SNX8: variants seen among roughly 807,000 people sequenced by gnomAD.
SNX8 encodes sorting nexin 8.
A neutral mutation model predicts 51.6 loss-of-function variants in SNX8; 25 were observed. The observed-to-expected ratio is 0.48, with a 90% CI of 0.35 to 0.68. The LOEUF is 0.68. Ranked by LOEUF, SNX8 falls within the 30% of genes least tolerant of loss-of-function variation. The pLI is 0.00. For missense variants in SNX8, 695 were observed against 624.0 expected, an observed-to-expected ratio of 1.11 and a Z score of -1.21; for synonymous variants, 324 against 277.0, an observed-to-expected ratio of 1.17 and a Z score of -1.68.
chr7:2,254,879 T>A lies in SNX8; in HGVS notation c.*177A>T. 2 of 625,148 alleles carry A rather than the reference T, an allele frequency of 3.2e-6. No individual in the cohort carries two copies. Among genetic ancestry groups the A allele is most frequent in the Non-Finnish European group, 5.8e-6 (2 of 343,876 alleles). 38.7% of individuals were successfully genotyped at this position (625,148 alleles called of 1,614,324 possible). ...AGGGCGAAGGACAGTGTGGCCCAGC[T>A]GCCCCCATGGTCCACGGATGCGCCT... is the stretch of plus-strand genomic sequence containing the variant. On this transcript the variant is annotated 3_prime_UTR_variant, in exon 11 of 11. Coordinates refer to ENST00000222990, the MANE Select transcript of SNX8 (RefSeq NM_013321.4).
At chr7:2,283,130 AAAAG>A (rs1795946800) in intron 1 of SNX8, among the ~76,000 whole-genome samples, 1 of 151,956 alleles carries the variant, frequency 6.6e-6, no homozygotes, top group African/African-American at 2.4e-5. Flanking sequence ...CAAAAAAAAA[AAAAG>A]AAACAAACAA....
chr7:2,327,859 T>G (rs1229052956), intron 1 of SNX8, among the ~76,000 whole-genome samples: 1 of 151,736 alleles, frequency 6.6e-6, no homozygotes, highest in East Asian at 1.9e-4. Flanking sequence ...TTCTTTTTCT[T>G]ATTTCCTTTT....
Position 2,309,802 on chromosome 7 carries a change from G to C in SNX8, c.94+4526C>G, listed in dbSNP as rs956248993. ...GACCAACGTATTCACACAGAGAACA[G>C]ACCTGACATGAGCGAGCAGCTGCAG... is the stretch of plus-strand genomic sequence containing the variant. On this transcript the variant is annotated intron_variant, in intron 1 of 10. Coordinates refer to ENST00000222990, the MANE Select transcript of SNX8 (RefSeq NM_013321.4). 3.2e-5 allele frequency: 15 copies of C among 470,990 alleles called. 1 individual carries two copies. In the East Asian group the frequency reaches 9.7e-4, roughly 31 times the overall value. The allele number at this position is 470,990 out of a possible 1,614,324, so 29.2% of individuals were successfully genotyped here.
At chr7:2,322,081 T>C (rs1376942287) in intron 1 of SNX8, among the ~76,000 whole-genome samples, 2 of 152,210 alleles carry the variant, frequency 1.3e-5, no homozygotes, top group Non-Finnish European at 2.9e-5. Flanking sequence ...TATATCACGA[T>C]GGTTAATCTG....
chr7:2,283,800 T>C (rs1468445926), intron 1 of SNX8, among the ~76,000 whole-genome samples: 1 of 152,132 alleles, frequency 6.6e-6, no homozygotes, highest in African/African-American at 2.4e-5. Context: ...GGGAATCTGC[T>C]TTTTTTGGAG....
intron 1 of SNX8, among the ~76,000 whole-genome samples, chr7:2,305,566 G>A (rs1796526852): frequency 2.0e-5 from 3 of 152,104 alleles, no homozygotes; most frequent in Admixed American, 1.3e-4. Context: ...GTTTCACCAT[G>A]TTGGTCATGC....
intron 1 of SNX8, among the ~76,000 whole-genome samples, chr7:2,321,959 G>C (rs528567368): frequency 6.6e-6 from 1 of 151,724 alleles, no homozygotes; most frequent in South Asian, 2.1e-4. Context: ...CCTGGCCTCA[G>C]GTGATCTGCC....
chr7:2,293,735 C>T lies in SNX8; in HGVS notation c.95-15430G>A, dbSNP rs561893940. ...ATCCCAGCACTTTGGGAGGCTGAGG[C>T]GGGCGGATCACGAGGTCAGGAGTTC... On this transcript the variant is annotated intron_variant, in intron 1 of 10. Transcript: ENST00000222990. 4.8e-4 allele frequency among the ~76,000 whole-genome samples: 71 copies of T among 148,456 alleles called. No homozygotes were observed. The East Asian group carries it at 8.9e-3, about 19-fold the overall frequency.
intron 1 of SNX8, among the ~76,000 whole-genome samples, chr7:2,352,615 A>T (rs113550092): frequency 0.011 from 1,660 of 151,870 alleles, 31 homozygotes; most frequent in African/African-American, 0.038. Context: ...GGCGGATCAC[A>T]AGGTCAGGAG....
At chr7:2,343,660 G>C (rs1007633264) in intron 1 of SNX8, among the ~76,000 whole-genome samples, 2 of 152,036 alleles carry the variant, frequency 1.3e-5, no homozygotes, top group African/African-American at 4.8e-5. Context: ...AGGCGACAGA[G>C]TAAGATCCAA....
At chr7:2,315,284 CCACT>C (rs1226963820), upstream of SNX8, among the ~76,000 whole-genome samples, 2 of 135,686 alleles carry the variant, frequency 1.5e-5, no homozygotes, top group Non-Finnish European at 3.2e-5. Flanking sequence ...ACCCACTCAC[CCACT>C]CACTCACTGC....
intron 4 of SNX8, among the ~76,000 whole-genome samples, chr7:2,271,043 G>T (rs1472147833): frequency 6.6e-6 from 1 of 152,182 alleles, no homozygotes; most frequent in African/African-American, 2.4e-5. Context: ...TGGGCTGCAG[G>T]GTTGTTTTTT....
chr7:2,309,756 A>G (rs1796623951), intron 1 of SNX8: 1 of 464,144 alleles, frequency 2.2e-6, no homozygotes, highest in East Asian at 7.0e-5. Flanking sequence ...ATAAACTTTA[A>G]GTGACAGCGC....
At chr7:2,304,270 CACG>C (rs1562448977) in intron 1 of SNX8, among the ~76,000 whole-genome samples, 8 of 152,064 alleles carry the variant, frequency 5.3e-5, no homozygotes, top group Non-Finnish European at 1.0e-4. Context: ...CCCGGCCGGG[CACG>C]GCAGCTCACG....
chr7:2,348,460 C>A (rs966246521), intron 1 of SNX8, among the ~76,000 whole-genome samples: 5 of 151,672 alleles, frequency 3.3e-5, no homozygotes, highest in African/African-American at 4.8e-5. Context: ...CCTGCCTCAG[C>A]CTCCCGAGTA....
In SNX8 at chr7:2,257,017, TCTC is replaced by T; in HGVS notation, c.1138_1140del (p.Glu380del). On this transcript the variant is annotated inframe_deletion, in exon 10 of 11. Transcript: ENST00000222990. ...CGCAGCTCCATCGTCTGAATCGCGT[TCTC>T]CTGCTGCGGAGCAAACAGCCGCCTT... 2 of 1,602,476 alleles carry T rather than the reference TCTC, an allele frequency of 1.2e-6. No homozygotes were observed. The highest frequency in any genetic ancestry group is 1.7e-6 in the Non-Finnish European group (2 of 1,172,718).
chr7:2,289,224 G>C (rs949015300), intron 1 of SNX8, among the ~76,000 whole-genome samples: 2 of 152,088 alleles, frequency 1.3e-5, no homozygotes, highest in African/African-American at 4.8e-5. Flanking sequence ...GCATCTGGGA[G>C]GGTTCCAGCA....
rs555372433 is a variant in SNX8 at position 2,298,428 on chromosome 7, G to A, written c.94+15900C>T. 4.6e-5 allele frequency among the ~76,000 whole-genome samples: 7 copies of A among 152,110 alleles called. No individual in the cohort carries two copies. In the East Asian group the frequency reaches 1.4e-3, roughly 29 times the overall value. ...TCTGTCCCCCAGGCTGGAGTGCAGT[G>A]GTGCAATCTCGGCTCTCTGCAACCG... On this transcript the variant is annotated intron_variant, in intron 1 of 10. Transcript: ENST00000222990.
intron 6 of SNX8, 96 bp from the exon 7 acceptor site, chr7:2,263,458 C>G (rs1795386820): frequency 7.9e-7 from 1 of 1,268,404 alleles, no homozygotes; most frequent in Non-Finnish European, 1.1e-6. Flanking sequence ...TCCTCCACGG[C>G]AACCTGCGTG....
Sources: gnomAD v4.1 joint callset for allele counts (sites outside exome capture counted in the v4.1 genomes callset) on GRCh38, gnomAD v4.1.1 for gene constraint, MANE v1.5 for transcripts, NCBI Gene and HGNC (gene_info 2026-07-23, HGNC 2026-07-21) for gene names.